Variants in PLCG2 observed in about 807,000 individuals in gnomAD.
PLCG2 encodes the protein phospholipase C gamma 2.
PLCG2 carries 69 observed loss-of-function variants against 175.6 expected under a neutral mutation model. The ratio of observed to expected loss-of-function variants is 0.39; its 90% CI spans 0.32 to 0.48. The LOEUF is 0.48. Ranked by LOEUF, PLCG2 falls within the 20% of genes least tolerant of loss-of-function variation. The probability of loss-of-function intolerance (pLI) is 0.91; values close to 1 mark genes in which losing one functional copy is unlikely to be tolerated. For synonymous variants in PLCG2, 827 were observed against 624.0 expected (o/e 1.33, Z -4.85); for missense variants, 1,798 against 1,650.9 (o/e 1.09, Z -1.54).
chr16:81,936,399 G>C (rs775299026), intron 27 of PLCG2, 21 bp downstream of exon 27: 1 of 1,604,452 alleles, frequency 6.2e-7, no homozygotes, highest in Non-Finnish European at 8.5e-7. Flanking sequence ...ACTGAAGGTA[G>C]TCCCGTCCCT....
In PLCG2 at chr16:81,961,870, A is replaced by C. The variant is rs577110384; in HGVS notation, c.*3872A>C. On this transcript the variant is annotated 3_prime_UTR_variant, in exon 33 of 33. Coordinates refer to ENST00000564138, the MANE Select transcript of PLCG2 (RefSeq NM_002661.5). ...AATATAGCAATGTGCAAGAAGATAG[A>C]GATTTTCAAAATTCACTTAAGAGTA... The C allele has an allele frequency of 3.0e-5, 6 of 199,954 alleles. No homozygotes were observed. Among genetic ancestry groups the C allele is most frequent in the African/African-American group, 1.4e-4 (6 of 43,578 alleles). 12.4% of individuals were successfully genotyped at this position (199,954 alleles called of 1,614,324 possible).
chr16:81,797,888 C>G (rs12447670), intron 2 of PLCG2, among the ~76,000 whole-genome samples: 1 of 150,978 alleles, frequency 6.6e-6, no homozygotes, highest in African/African-American at 2.4e-5. Context: ...TGAAGTGCAG[C>G]GGCACAATTT....
At chr16:81,818,477 C>T (rs1042268939) in intron 2 of PLCG2, among the ~76,000 whole-genome samples, 4 of 152,106 alleles carry the variant, frequency 2.6e-5, no homozygotes, top group Non-Finnish European at 4.4e-5. Flanking sequence ...ATGCTGTCTG[C>T]ATGGGTGAAT....
chr16:81,895,976 A>G, intron 13 of PLCG2, 49 bp downstream of exon 13: 2 of 1,609,880 alleles, frequency 1.2e-6, no homozygotes, highest in East Asian at 2.2e-5. Context: ...GAAGGCAGCT[A>G]GGGTTGGATA....
At chr16:81,811,721 A>G (rs560444069) in intron 2 of PLCG2, among the ~76,000 whole-genome samples, 1 of 152,280 alleles carries the variant, frequency 6.6e-6, no homozygotes, top group African/African-American at 2.4e-5. Context: ...ATGGTTGCAT[A>G]GTATTCCATG....
intron 19 of PLCG2, among the ~76,000 whole-genome samples, chr16:81,914,936 A>G (rs1196312504): frequency 6.6e-6 from 1 of 152,092 alleles, no homozygotes; most frequent in East Asian, 1.9e-4. Flanking sequence ...TGGATGTTGA[A>G]CTTCCCTGGT....
chr16:81,876,656 C>A (rs373683504), intron 7 of PLCG2, among the ~76,000 whole-genome samples: 1 of 152,188 alleles, frequency 6.6e-6, no homozygotes, highest in African/African-American at 2.4e-5. Flanking sequence ...GTGTGCGTGA[C>A]CCAAGAGGCA....
chr16:81,872,593 C>A (rs1907569951), intron 7 of PLCG2, among the ~76,000 whole-genome samples: 1 of 152,212 alleles, frequency 6.6e-6, no homozygotes, highest in Admixed American at 6.5e-5. Flanking sequence ...CTGTGCGATG[C>A]ACCTAGCACA....
chr16:81,746,823 C>T (rs894343284), intron 1 of PLCG2, among the ~76,000 whole-genome samples: 35 of 152,156 alleles, frequency 2.3e-4, no homozygotes, highest in African/African-American at 8.0e-4. Flanking sequence ...CTCTTGGAAC[C>T]AGTGGAGCCT....
chr16:81,861,449 A>G (rs1436262276), intron 5 of PLCG2, among the ~76,000 whole-genome samples: 7 of 152,182 alleles, frequency 4.6e-5, no homozygotes. Context: ...TTAACTAGGA[A>G]GTGGTTAAAA....
At chr16:81,950,556 C>T (rs910140934) in intron 31 of PLCG2, among the ~76,000 whole-genome samples, 3 of 152,150 alleles carry the variant, frequency 2.0e-5, no homozygotes, top group Non-Finnish European at 1.5e-5. Context: ...TTGTGTCCTA[C>T]AAATGGATAA....
At chr16:81,895,985 T>C (rs989339667) in intron 13 of PLCG2, 58 bp downstream of exon 13, 11 of 1,603,668 alleles carry the variant, frequency 6.9e-6, no homozygotes, top group South Asian at 4.4e-5. Context: ...TAGGGTTGGA[T>C]AGACAGATGG....
intron 2 of PLCG2, among the ~76,000 whole-genome samples, chr16:81,838,352 G>A (rs527920391): frequency 1.3e-5 from 2 of 152,296 alleles, no homozygotes; most frequent in African/African-American, 4.8e-5. Flanking sequence ...CTCCCAAAGT[G>A]CTGGGATTAC....
At chr16:81,771,065 A>ATAAAT (rs1475921853) in intron 2 of PLCG2, among the ~76,000 whole-genome samples, 3,812 of 59,642 alleles carry the variant, frequency 0.064, 162 homozygotes, top group African/African-American at 0.12. Flanking sequence ...CTCAAAAAAA[A>ATAAAT]AAAAAAATAA....
In PLCG2 at chr16:81,958,639, G is replaced by A; in HGVS notation, c.*641G>A. On this transcript the variant is annotated 3_prime_UTR_variant, in exon 33 of 33. Transcript: ENST00000564138. ...GCTTGTTTTGTGACTAGAGTTACTG[G>A]GATGGAGGGTAGGAATCTTGGGGCC... is the stretch of plus-strand genomic sequence containing the variant. 4.4e-6 allele frequency: 1 copy of A among 225,046 alleles called. No homozygotes were observed. The highest frequency in any genetic ancestry group is 8.9e-6 in the Non-Finnish European group (1 of 112,948). The allele number at this position is 225,046 out of a possible 1,614,324, so 13.9% of individuals were successfully genotyped here. A position where few individuals can be genotyped will look rare whatever the true frequency, so the allele number is the denominator to read the frequency against.
intron 7 of PLCG2, among the ~76,000 whole-genome samples, chr16:81,874,733 C>T (rs770926109): frequency 6.6e-6 from 1 of 152,104 alleles, no homozygotes; most frequent in East Asian, 1.9e-4. Flanking sequence ...CTTGCTAGTT[C>T]CTCTTTGTGT....
At chr16:81,917,988 G>A (rs1283953771) in intron 19 of PLCG2, among the ~76,000 whole-genome samples, 17 of 152,192 alleles carry the variant, frequency 1.1e-4, no homozygotes, top group Non-Finnish European at 1.5e-5. Flanking sequence ...CTCCCAAAGT[G>A]CTGGAATTAC....
intron 2 of PLCG2, among the ~76,000 whole-genome samples, chr16:81,790,307 A>G (rs1220090484): frequency 6.6e-6 from 1 of 152,206 alleles, no homozygotes; most frequent in Non-Finnish European, 1.5e-5. Context: ...GGTTTTCAGA[A>G]GAGGGATGAC....
At chr16:81,904,313 A>G (rs1909272570) in intron 14 of PLCG2, among the ~76,000 whole-genome samples, 1 of 152,240 alleles carries the variant, frequency 6.6e-6, no homozygotes, top group Non-Finnish European at 1.5e-5. Flanking sequence ...CCAAGGTCAC[A>G]TGGCCAGTAA....
Sources: gnomAD v4.1 joint callset for allele counts (sites outside exome capture counted in the v4.1 genomes callset) on GRCh38, gnomAD v4.1.1 for gene constraint, MANE v1.5 for transcripts, NCBI Gene and HGNC (gene_info 2026-07-23, HGNC 2026-07-21) for gene names.